Variants in TUBGCP6 observed in about 807,000 individuals in gnomAD.
TUBGCP6 encodes gamma-tubulin complex component 6.
In TUBGCP6, 161 loss-of-function variants were observed where a neutral mutation model predicts 175.8. The ratio of observed to expected loss-of-function variants is 0.92; its 90% CI spans 0.81 to 1.04. The LOEUF is 1.04. TUBGCP6 is among the 50% of genes least tolerant of loss of function. TUBGCP6 has a pLI of 0.00. For synonymous variants in TUBGCP6, 1,173 were observed against 1,030.5 expected, an observed-to-expected ratio of 1.14 and a Z score of -2.65; for missense variants, 2,572 against 2,433.0, an observed-to-expected ratio of 1.06 and a Z score of -1.20.
At position 50,240,367 on chromosome 22, in the gene TUBGCP6, C is replaced by G. The variant is rs2064825087; in HGVS notation, c.742G>C (p.Val248Leu). ...NADLSGLAIK[V>L]PPSVDQWEDE... ...TCCCACTGATCCACACTCGGTGGGA[C>G]CTGGAGACACAGGGAAGGGCAAACC... Residue 248 changes from valine to leucine, a missense_variant and splice_region_variant, in exon 2 of 25, where the codon GTC becomes CTC. Transcript: ENST00000248846. 1 of 1,612,278 alleles carries G rather than the reference C, an allele frequency of 6.2e-7. No individual in the cohort carries two copies. Among genetic ancestry groups the G allele is most frequent in the East Asian group, 2.2e-5 (1 of 44,802 alleles).
intron 4 of TUBGCP6, among the ~76,000 whole-genome samples, chr22:50,228,968 A>G (rs1300128404): frequency 6.6e-6 from 1 of 152,168 alleles, no homozygotes; most frequent in Non-Finnish European, 1.5e-5. Flanking sequence ...CACATGAGCC[A>G]GCTTCAAGAC....
intron 3 of TUBGCP6, among the ~76,000 whole-genome samples, chr22:50,232,613 G>C (rs1402535955): frequency 2.0e-5 from 3 of 152,134 alleles, no homozygotes; most frequent in Non-Finnish European, 4.4e-5. Context: ...CCCCACAACA[G>C]ACAAGATGAG....
rs150035136 is a variant in TUBGCP6, at chr22:50,240,254, G to A, written c.855C>T (p.Ala285=). 320 of 1,613,946 alleles carry A rather than the reference G, an allele frequency of 2.0e-4. No homozygotes were observed. Among genetic ancestry groups the A allele is most frequent in the Admixed American group, 3.0e-4 (18 of 60,014 alleles). The change falls in exon 2 of 25, where the codon GCC becomes GCT. Residue 285 remains alanine (A), a synonymous_variant. Transcript: ENST00000248846. ...SVTPDVDLWE[A]ALTYEASKRR... ...GCTTGCTGGCCTCATAGGTAAGTGC[G>A]GCTTCCCACAGGTCCACGTCTGGGG...
At chr22:50,237,199 A>G (rs2064787886) in intron 2 of TUBGCP6, among the ~76,000 whole-genome samples, 1 of 152,226 alleles carries the variant, frequency 6.6e-6, no homozygotes, top group Non-Finnish European at 1.5e-5. Flanking sequence ...GGTGGTTCTC[A>G]GGGTGGGCAA....
At chr22:50,226,251 G>C (rs753704383) in intron 8 of TUBGCP6, 36 bp downstream of exon 8, 2 of 1,613,850 alleles carry the variant, frequency 1.2e-6, no homozygotes, top group Non-Finnish European at 1.7e-6. Context: ...AGGCCCACAG[G>C]CACGGACCCC....
intron 10 of TUBGCP6, 95 bp downstream of exon 10, chr22:50,225,699 T>C (rs1249173288): frequency 3.5e-6 from 5 of 1,442,382 alleles, no homozygotes; most frequent in Non-Finnish European, 4.6e-6. Flanking sequence ...GAGGCCCCCA[T>C]CTTGCACAGC....
chr22:50,218,951 TCGC>T (rs2064466154), intron 20 of TUBGCP6, 54 bp from the exon 21 acceptor site: 1 of 1,586,676 alleles, frequency 6.3e-7, no homozygotes, highest in Middle Eastern at 1.9e-4. Context: ...TGCCTGGCAC[TCGC>T]CGGCACCCCA....
At chr22:50,240,035 ATC>A in intron 2 of TUBGCP6, 167 bp downstream of exon 2, 1 of 886,514 alleles carries the variant, frequency 1.1e-6, no homozygotes, top group East Asian at 2.7e-5. Context: ...TCCCCTCTGC[ATC>A]TCTCTTAACT....
rs1176449268 is a variant in TUBGCP6, at chr22:50,218,072, G to A, written c.5214C>T (p.His1738=). Residue 1738 remains histidine, a synonymous_variant, in exon 24 of 25, where the codon CAC becomes CAT. Transcript: ENST00000248846. ...EKAAPVMNVI[H]SIFSLVLKFR... ...ACTTGAGCACGAGGCTGAAGATGCTGTGGATGACGTTCATGACGGGCGCCG... is the reference window on the plus strand; with the variant it reads ...ACTTGAGCACGAGGCTGAAGATGCTATGGATGACGTTCATGACGGGCGCCG... The A allele has an allele frequency of 1.2e-6, 2 of 1,613,358 alleles. No homozygotes were observed. Among genetic ancestry groups the A allele is most frequent in the African/African-American group, 1.3e-5 (1 of 74,934 alleles).
At position 50,240,255 on chromosome 22, in the gene TUBGCP6, G is replaced by A. The variant is rs1470613520; in HGVS notation, c.854C>T (p.Ala285Val). 3 of 1,613,958 alleles carry A rather than the reference G, an allele frequency of 1.9e-6. No individual in the cohort carries two copies. The highest frequency in any genetic ancestry group is 2.5e-6 in the Non-Finnish European group (3 of 1,180,032). The change falls in exon 2 of 25, where the codon GCC (alanine) becomes GTC (valine). Residue 285 changes from alanine (A) to valine (V), a missense_variant. Ala to Val is a moderately conservative substitution (Grantham distance 64). Transcript: ENST00000248846. The part of the protein sequence containing the change: ...SVTPDVDLWE[A>V]ALTYEASKRR... The stretch of plus-strand genomic sequence containing the variant: ...CTTGCTGGCCTCATAGGTAAGTGCG[G>A]CTTCCCACAGGTCCACGTCTGGGGT...
At chr22:50,235,064 G>A in intron 2 of TUBGCP6, among the ~76,000 whole-genome samples, 1 of 148,006 alleles carries the variant, frequency 6.8e-6, no homozygotes, top group East Asian at 2.0e-4. Context: ...GTCCACAGCA[G>A]TATCCACACC....
intron 8 of TUBGCP6, 28 bp from the exon 9 acceptor site, chr22:50,226,217 C>T (rs201748009): frequency 1.4e-4 from 220 of 1,614,020 alleles, no homozygotes; most frequent in Non-Finnish European, 1.8e-4. Context: ...CCACGGTGGC[C>T]GGCATGGCCA....
chr22:50,233,337 A>C lies in TUBGCP6; in HGVS notation c.1095T>G (p.Ser365=). 1.9e-6 allele frequency: 3 copies of C among 1,613,758 alleles called. No individual in the cohort carries two copies. Among genetic ancestry groups the C allele is most frequent in the Non-Finnish European group, 2.5e-6 (3 of 1,179,842 alleles). The change falls in exon 3 of 25, where the codon TCT becomes TCG. Residue 365 remains serine, a synonymous_variant. Coordinates refer to ENST00000248846, the MANE Select transcript of TUBGCP6 (RefSeq NM_020461.4). ...TCACCTGGCAGAGCGAAAACGTGGC[A>C]GACACGACCCCAATCAAGACGTTCA... The part of the protein sequence containing the change: ...DVLNVLIGVV[S]ATFSLCQPAQ...
rs201913961 is a variant in TUBGCP6 at position 50,244,355 on chromosome 22, C to T, written c.105G>A (p.Arg35=). The stretch of plus-strand genomic sequence containing the variant: ...CATTGTAGGCCACCTTCTTGAGGCT[C>T]CGCTTTGCCCTCTTCCGGTTCACAC... ...QRSVNRKRAK[R]SLKKVAYNAL... Residue 35 remains arginine (R), a synonymous_variant, in exon 1 of 25, where the codon CGG becomes CGA. Transcript: ENST00000248846. 6.8e-6 allele frequency: 11 copies of T among 1,613,364 alleles called. No homozygotes were observed. The highest frequency in any genetic ancestry group is 1.7e-6 in the Non-Finnish European group (2 of 1,180,048).
rs2147200920 is a variant in TUBGCP6 at position 50,233,461 on chromosome 22, C to A, written c.971G>T (p.Cys324Phe). 2 of 1,613,064 alleles carry A rather than the reference C, an allele frequency of 1.2e-6. No homozygotes were observed. Among genetic ancestry groups the A allele is most frequent in the Non-Finnish European group, 1.7e-6 (2 of 1,179,548 alleles). ...CTGGAGCTCCCCTTGGTGGAGCCTGCAGAACTTGTCGAAAGCGTCCCTTCC... is the reference window on the plus strand; with the variant it reads ...CTGGAGCTCCCCTTGGTGGAGCCTGAAGAACTTGTCGAAAGCGTCCCTTCC... ...EAGRDAFDKF[C>F]RLHQGELQLL... The change falls in exon 3 of 25, where the codon TGC (cysteine) becomes TTC (phenylalanine). Residue 324 changes from cysteine to phenylalanine, a missense_variant. Transcript: ENST00000248846.
rs751026234 is a variant in TUBGCP6 at position 50,244,094 on chromosome 22, G to A, written c.366C>T (p.Pro122=). 1.6e-5 allele frequency: 26 copies of A among 1,613,878 alleles called. No individual in the cohort carries two copies. The East Asian group carries it at 4.9e-4, about 30-fold the overall frequency. ...CTCGTTTTCTCGGCAGAACTTGAGGGGGACCACTCCCTGCCAGCTGAACCA... is the reference window on the plus strand; with the variant it reads ...CTCGTTTTCTCGGCAGAACTTGAGGAGGACCACTCCCTGCCAGCTGAACCA... ...DLLVQLAGSG[P]PQVLPRKRDY... Residue 122 remains proline (P), a synonymous_variant, in exon 1 of 25, where the codon CCC becomes CCT. Transcript: ENST00000248846.
At position 50,226,282 on chromosome 22, in the gene TUBGCP6, C is replaced by T; in HGVS notation, c.1693+5G>A. 1 of 1,614,032 alleles carries T rather than the reference C, an allele frequency of 6.2e-7. No individual in the cohort carries two copies. The highest frequency in any genetic ancestry group is 8.5e-7 in the Non-Finnish European group (1 of 1,179,994). Reference sequence around the variant, plus strand: ...ACCCCTGCCCCGCAATCAGCTGCCACCTACCTCGGAAGCTGAGGTACTCGT... The same window carrying T: ...ACCCCTGCCCCGCAATCAGCTGCCATCTACCTCGGAAGCTGAGGTACTCGT... On this transcript the variant is annotated splice_donor_5th_base_variant and intron_variant, in intron 8 of 24. Transcript: ENST00000248846.
At position 50,218,121 on chromosome 22, in the gene TUBGCP6, G is replaced by C. The variant is rs748450888; in HGVS notation, c.5169-4C>G. ...CGCCTTCTCCGTGAGCAGGCCCCTG[G>C]GGGGAAGCAGTGCTGCTGGGTGGGC... On this transcript the variant is annotated splice_region_variant and splice_polypyrimidine_tract_variant and intron_variant, in intron 23 of 24. Transcript: ENST00000248846. 6 of 1,611,918 alleles carry C rather than the reference G, an allele frequency of 3.7e-6. No homozygotes were observed. Among genetic ancestry groups the C allele is most frequent in the South Asian group, 2.2e-5 (2 of 91,050 alleles).
rs1344778608 is a variant in TUBGCP6, at chr22:50,222,529, T to C, written c.2334A>G (p.Ala778=). The change falls in exon 14 of 25, where the codon GCA becomes GCG. Residue 778 remains alanine (A), a synonymous_variant. Transcript: ENST00000248846. ...GTCGGTGCCTCTGGATTCTCCACAG[T>C]GCCTTCTGCTCCCGACGAGCTGCCT... is the stretch of plus-strand genomic sequence containing the variant. ...SAEAARREQK[A]LWRIQRHRLE... 4.3e-6 allele frequency: 7 copies of C among 1,613,740 alleles called. No individual in the cohort carries two copies. The highest frequency in any genetic ancestry group is 5.9e-6 in the Non-Finnish European group (7 of 1,180,036).
Sources: allele counts gnomAD v4.1 joint callset (sites outside exome capture counted in the v4.1 genomes callset), GRCh38; gene constraint gnomAD v4.1.1; transcripts MANE v1.5; gene names NCBI Gene and HGNC (gene_info 2026-07-23, HGNC 2026-07-21).